The following MRPS14 variants were observed in gnomAD, a reference collection of about 807,000 sequenced individuals.
MRPS14 encodes the protein mitochondrial ribosomal protein S14.
In MRPS14, 14 loss-of-function variants were observed where a neutral mutation model predicts 16.4. The ratio of observed to expected loss-of-function variants is 0.85; its 90% CI spans 0.56 to 1.33. The LOEUF (loss-of-function observed/expected upper bound fraction) is 1.33. Among genes scored for constraint, MRPS14 ranks in the 40% most tolerant of loss-of-function variants. MRPS14 has a pLI of 0.00. For missense variants in MRPS14, 162 were observed against 176.8 expected (o/e 0.92, Z 0.48); for synonymous variants, 54 against 61.9 (o/e 0.87, Z 0.60).
At chr1:175,019,584 C>G (rs1672941502) in intron 1 of MRPS14, among the ~76,000 whole-genome samples, 1 of 152,210 alleles carries the variant, frequency 6.6e-6, no homozygotes. Flanking sequence ...GCATGAGCCA[C>G]TGTGCCTGAT....
chr1:175,015,071 C>G (rs1231678595), intron 2 of MRPS14, among the ~76,000 whole-genome samples: 2 of 151,866 alleles, frequency 1.3e-5, no homozygotes, highest in Non-Finnish European at 2.9e-5. Flanking sequence ...CCTCAGCCTC[C>G]CGAGTAGCTG....
At chr1:175,023,021 A>T (rs1236150731) in intron 1 of MRPS14, among the ~76,000 whole-genome samples, 1 of 152,026 alleles carries the variant, frequency 6.6e-6, no homozygotes, top group East Asian at 1.9e-4. Flanking sequence ...CCATCTCCCT[A>T]GCTGACAACT....
At chr1:175,020,476 A>G (rs560689634) in intron 1 of MRPS14, among the ~76,000 whole-genome samples, 7 of 152,140 alleles carry the variant, frequency 4.6e-5, no homozygotes, top group Non-Finnish European at 8.8e-5. Context: ...TATTTTGCAT[A>G]CCTTTTTTTC....
Position 175,014,726 on chromosome 1 carries a change from G to T in MRPS14, c.330C>A (p.Val110=), listed in dbSNP as rs766691887. ...GCCCATGGTCAGCTAAGTGACGGAA[G>T]ACTATACGACTAAGCCTCCAGCGCC... ...VKRRWRLSRI[V]FRHLADHGQL... The change falls in exon 3 of 3, where the codon GTC becomes GTA. Residue 110 remains valine (V), a synonymous_variant. Coordinates refer to ENST00000476371, the MANE Select transcript of MRPS14 (RefSeq NM_022100.3). 51 of 1,613,914 alleles carry T rather than the reference G, an allele frequency of 3.2e-5. No homozygotes were observed. The Middle Eastern group carries it at 5.4e-3, about 172-fold the overall frequency.
rs1672819534 is a variant in MRPS14, at chr1:175,013,443, C to T, written c.*1226G>A. On this transcript the variant is annotated 3_prime_UTR_variant, in exon 3 of 3. Coordinates refer to ENST00000476371, the MANE Select transcript of MRPS14 (RefSeq NM_022100.3). ...TCTTTACCTCTTAGATATAATCAGT[C>T]TTGTAAGTCTTGCCCAATTTTCTTT... 6.6e-6 allele frequency: 1 copy of T among 152,230 alleles called. No individual in the cohort carries two copies. The highest frequency in any genetic ancestry group is 2.4e-5 in the African/African-American group (1 of 41,454). 9.4% of individuals were successfully genotyped at this position (152,230 alleles called of 1,614,324 possible).
rs1451277262 is a variant in MRPS14, at chr1:175,018,481, G to A, written c.141C>T (p.Tyr47=). Residue 47 remains tyrosine, a synonymous_variant, in exon 2 of 3, where the codon TAC becomes TAT. Transcript: ENST00000476371. The part of the protein sequence containing the change: ...DVKRRKMAYE[Y]ADERLRINSL... ...AATTAATACGTAGCCTCTCATCTGC[G>A]TATTCATAGGCCATTTTTCGTCTCT... 5 of 1,612,884 alleles carry A rather than the reference G, an allele frequency of 3.1e-6. No homozygotes were observed. Among genetic ancestry groups the A allele is most frequent in the Admixed American group, 1.7e-5 (1 of 59,528 alleles).
At chr1:175,020,559 A>G (rs369274261) in intron 1 of MRPS14, among the ~76,000 whole-genome samples, 82 of 151,758 alleles carry the variant, frequency 5.4e-4, no homozygotes, top group African/African-American at 1.9e-3. Context: ...CCCAGGCTGG[A>G]GTGCAATGAC....
rs1176786250 is a variant in MRPS14 at position 175,023,220 on chromosome 1, C to G, written c.45+144G>C. On this transcript the variant is annotated intron_variant, in intron 1 of 2. Transcript: ENST00000476371. Reference sequence around the variant, plus strand: ...TCTGCAGCTCGGACCTCCCCTGAACCAAGCCCAAGCGCGGAAGAGGGCGGA... The same window carrying G: ...TCTGCAGCTCGGACCTCCCCTGAACGAAGCCCAAGCGCGGAAGAGGGCGGA... The G allele has an allele frequency of 2.6e-6, 4 of 1,543,772 alleles. No individual in the cohort carries two copies. The Admixed American group carries it at 8.1e-5, about 31-fold the overall frequency.
intron 1 of MRPS14, among the ~76,000 whole-genome samples, chr1:175,021,970 T>A (rs1672985752): frequency 1.3e-5 from 2 of 152,214 alleles, no homozygotes; most frequent in South Asian, 4.1e-4. Context: ...TCCAACAGAG[T>A]AACCACTAAC....
Position 175,014,717 on chromosome 1 carries a change from G to A in MRPS14, c.339C>T (p.His113=), listed in dbSNP as rs1171995375. The change falls in exon 3 of 3, where the codon CAC becomes CAT. Residue 113 remains histidine, a synonymous_variant. Transcript: ENST00000476371. The stretch of plus-strand genomic sequence containing the variant: ...CAGAAAGTTGCCCATGGTCAGCTAA[G>A]TGACGGAAGACTATACGACTAAGCC... ...RWRLSRIVFR[H]LADHGQLSGI... The A allele has an allele frequency of 3.7e-6, 6 of 1,613,788 alleles. No individual in the cohort carries two copies. In the African/African-American group the frequency reaches 5.3e-5, roughly 14 times the overall value.
intron 1 of MRPS14, among the ~76,000 whole-genome samples, chr1:175,020,737 A>G (rs937431986): frequency 6.6e-6 from 1 of 152,150 alleles, no homozygotes; most frequent in Non-Finnish European, 1.5e-5. Context: ...TTGAAATCCC[A>G]AAGTAATACA....
chr1:175,019,159 T>C (rs572898973), intron 1 of MRPS14, among the ~76,000 whole-genome samples: 1 of 152,354 alleles, frequency 6.6e-6, no homozygotes, highest in East Asian at 1.9e-4. Context: ...GCATCATAAT[T>C]TAACCTGCCA....
chr1:175,019,526 C>T (rs935957320), intron 1 of MRPS14, among the ~76,000 whole-genome samples: 4 of 152,058 alleles, frequency 2.6e-5, no homozygotes, highest in Non-Finnish European at 5.9e-5. Context: ...GAACTCCTGA[C>T]CTCAAGTGAT....
intron 1 of MRPS14, among the ~76,000 whole-genome samples, chr1:175,021,327 G>T (rs536436625): frequency 1.3e-5 from 2 of 151,912 alleles, no homozygotes; most frequent in East Asian, 3.9e-4. Context: ...TTAATTCCTG[G>T]TTATTTCAAT....
At chr1:175,020,524 T>C (rs908961478) in intron 1 of MRPS14, among the ~76,000 whole-genome samples, 1 of 152,198 alleles carries the variant, frequency 6.6e-6, no homozygotes, top group Admixed American at 6.5e-5. Context: ...CCCCCTTTTT[T>C]TGAGACGGAG....
At chr1:175,019,077 T>C (rs1672933841) in intron 1 of MRPS14, among the ~76,000 whole-genome samples, 1 of 152,164 alleles carries the variant, frequency 6.6e-6, no homozygotes. Context: ...CAATATACCT[T>C]AGAGATCTTT....
At chr1:175,021,341 C>G (rs1324324302) in intron 1 of MRPS14, among the ~76,000 whole-genome samples, 2 of 152,178 alleles carry the variant, frequency 1.3e-5, no homozygotes, top group Non-Finnish European at 2.9e-5. Context: ...TTTCAATATA[C>G]ATGAAATTAC....
intron 2 of MRPS14, 29 bp from the exon 3 acceptor site, chr1:175,014,880 C>T (rs1300883300): frequency 4.4e-6 from 7 of 1,598,054 alleles, no homozygotes; most frequent in Non-Finnish European, 6.0e-6. Flanking sequence ...TTACACAGAT[C>T]ACATTACATT....
At chr1:175,022,343 A>G (rs1672992461) in intron 1 of MRPS14, 1 of 151,930 alleles carries the variant, frequency 6.6e-6, no homozygotes, top group Non-Finnish European at 1.5e-5. Context: ...TAAATTACAC[A>G]TGTGGTTCAC....
Sources: gnomAD v4.1 joint callset for allele counts (sites outside exome capture counted in the v4.1 genomes callset) on GRCh38, gnomAD v4.1.1 for gene constraint, MANE v1.5 for transcripts, NCBI Gene and HGNC (gene_info 2026-07-23, HGNC 2026-07-21) for gene names.